The following GRIP1 variants were observed in gnomAD, a reference collection of about 807,000 sequenced individuals.
The protein encoded by GRIP1 is glutamate receptor-interacting protein 1.
Under a neutral mutation model 129.9 loss-of-function variants are expected in GRIP1, and 45 were observed. That is an observed-to-expected ratio of 0.35 (90% CI 0.27 to 0.44). The LOEUF (loss-of-function observed/expected upper bound fraction) is 0.44. GRIP1 is among the 20% of genes least tolerant of loss of function. GRIP1 has a pLI of 1.00. For missense variants in GRIP1, 1,196 were observed against 1,396.8 expected (o/e 0.86, Z 2.29); for synonymous variants, 530 against 520.8 (o/e 1.02, Z -0.24).
In GRIP1 at chr12:67,060,509, T is replaced by G. The variant is rs1031273924; in HGVS notation, c.58+8541A>C. ...CATGTAGTTATATGTTAGTACATAT[T>G]TAAGTAGTATAATAAAAACAAATGA... On this transcript the variant is annotated intron_variant, in intron 1 of 1. Transcript: ENST00000643019. Among the ~76,000 whole-genome samples, 5 of 152,268 alleles carry G rather than the reference T, an allele frequency of 3.3e-5. No homozygotes were observed. In the South Asian group the frequency reaches 1.0e-3, roughly 32 times the overall value.
intron 5 of GRIP1, among the ~76,000 whole-genome samples, chr12:66,526,141 C>T (rs1565827210): frequency 6.6e-6 from 1 of 151,532 alleles, no homozygotes; most frequent in African/African-American, 2.4e-5. Flanking sequence ...CCCCAACAAG[C>T]TACCAATGAC....
chr12:66,629,202 A>G (rs375142685), intron 1 of GRIP1, among the ~76,000 whole-genome samples: 2 of 152,206 alleles, frequency 1.3e-5, no homozygotes, highest in Non-Finnish European at 2.9e-5. Context: ...CCACAAGAAA[A>G]TATTTGTTTT....
At chr12:66,979,143 A>G (rs2042198140) in intron 1 of GRIP1, among the ~76,000 whole-genome samples, 2 of 149,032 alleles carry the variant, frequency 1.3e-5, no homozygotes, top group African/African-American at 2.5e-5. Context: ...CTGTATAGCA[A>G]TAAATCCCAA....
At chr12:66,884,076 T>C (rs1203426602) in intron 1 of GRIP1, among the ~76,000 whole-genome samples, 2 of 152,224 alleles carry the variant, frequency 1.3e-5, no homozygotes, top group African/African-American at 4.8e-5. Context: ...TGGCAACAAA[T>C]TGATCAGGTT....
At position 66,822,811 on chromosome 12, in the gene GRIP1, T is replaced by C. The variant is rs372623403; in HGVS notation, c.59-225884A>G. On this transcript the variant is annotated intron_variant, in intron 1 of 1. Transcript: ENST00000643019. ...GTGGAAGCAGAACATTGGGTACACA[T>C]GGACATAAGGATGGAAACGGGGGAG... is the stretch of plus-strand genomic sequence containing the variant. Among the ~76,000 whole-genome samples, 8 of 152,054 alleles carry C rather than the reference T, an allele frequency of 5.3e-5. No individual in the cohort carries two copies. In the South Asian group the frequency reaches 1.0e-3, roughly 20 times the overall value.
At chr12:66,695,706 T>C (rs1043573966) in intron 1 of GRIP1, among the ~76,000 whole-genome samples, 1 of 152,298 alleles carries the variant, frequency 6.6e-6, no homozygotes, top group Middle Eastern at 3.4e-3. Flanking sequence ...GTGAAGGTGA[T>C]AGAATGGAAT....
chr12:66,534,996 C>A (rs1033114135), intron 4 of GRIP1, among the ~76,000 whole-genome samples: 1 of 151,876 alleles, frequency 6.6e-6, no homozygotes, highest in Non-Finnish European at 1.5e-5. Context: ...ACCTAGCCCC[C>A]TCTCTGTCTT....
At chr12:66,893,100 T>C (rs2040688952) in intron 1 of GRIP1, among the ~76,000 whole-genome samples, 3 of 152,174 alleles carry the variant, frequency 2.0e-5, no homozygotes, top group Non-Finnish European at 4.4e-5. Context: ...CAACCACTGA[T>C]CTGTTCTCCA....
intron 2 of GRIP1, among the ~76,000 whole-genome samples, chr12:66,556,182 A>G (rs1007145132): frequency 2.6e-5 from 4 of 152,180 alleles, no homozygotes; most frequent in Non-Finnish European, 5.9e-5. Context: ...GCAGCAAGAG[A>G]AAATAAACAA....
chr12:66,785,050 C>T (rs2038277997), intron 1 of GRIP1, among the ~76,000 whole-genome samples: 3 of 151,976 alleles, frequency 2.0e-5, no homozygotes, highest in Admixed American at 2.0e-4. Context: ...CAATTTCATA[C>T]TCCACTGACT....
At chr12:66,421,554 A>G (rs549720408) in intron 14 of GRIP1, among the ~76,000 whole-genome samples, 3 of 152,196 alleles carry the variant, frequency 2.0e-5, no homozygotes, top group African/African-American at 2.4e-5. Flanking sequence ...TGATCAATCA[A>G]TCAATAAAGT....
At chr12:66,798,387 T>C (rs2038762075) in intron 1 of GRIP1, among the ~76,000 whole-genome samples, 2 of 152,180 alleles carry the variant, frequency 1.3e-5, no homozygotes, top group African/African-American at 2.4e-5. Flanking sequence ...CTATGTTTAT[T>C]TGGGTCAAGA....
intron 7 of GRIP1, among the ~76,000 whole-genome samples, chr12:66,506,440 A>C (rs1352356542): frequency 6.6e-6 from 1 of 152,204 alleles, no homozygotes; most frequent in Non-Finnish European, 1.5e-5. Flanking sequence ...GCTACCAAAG[A>C]AATACACTGT....
At chr12:66,857,918 A>G (rs2040035670) in intron 1 of GRIP1, among the ~76,000 whole-genome samples, 1 of 152,006 alleles carries the variant, frequency 6.6e-6, no homozygotes, top group Admixed American at 6.6e-5. Flanking sequence ...CTACAGGTAA[A>G]GCCATATTAA....
At chr12:66,470,913 G>A (rs1168401611) in intron 7 of GRIP1, among the ~76,000 whole-genome samples, 1 of 152,172 alleles carries the variant, frequency 6.6e-6, no homozygotes, top group Admixed American at 6.5e-5. Context: ...CTAAAGTGAT[G>A]AGGGCTCCTT....
intron 7 of GRIP1, among the ~76,000 whole-genome samples, chr12:66,468,877 C>T (rs1038110822): frequency 6.6e-6 from 1 of 152,088 alleles, no homozygotes; most frequent in African/African-American, 2.4e-5. Context: ...TGAGAGAGAG[C>T]ATCCACAGCT....
intron 9 of GRIP1, among the ~76,000 whole-genome samples, chr12:66,458,387 CTTTT>C (rs5798827): frequency 6.6e-6 from 1 of 151,500 alleles, no homozygotes; most frequent in South Asian, 2.1e-4. Context: ...GAATAGGTTA[CTTTT>C]TTTTTCTTTT....
chr12:66,657,184 A>G (rs113383702), intron 1 of GRIP1, among the ~76,000 whole-genome samples: 357 of 152,310 alleles, frequency 2.3e-3, no homozygotes, highest in African/African-American at 8.3e-3. Flanking sequence ...ACAGCTCTCT[A>G]AATGACAATT....
chr12:66,988,980 TTTC>T (rs1241055338), intron 1 of GRIP1, among the ~76,000 whole-genome samples: 1 of 151,536 alleles, frequency 6.6e-6, no homozygotes, highest in Non-Finnish European at 1.5e-5. Flanking sequence ...AGAAACATAA[TTTC>T]TTCTTAATTA....
Sources: gnomAD v4.1 joint callset for allele counts (sites outside exome capture counted in the v4.1 genomes callset) on GRCh38, gnomAD v4.1.1 for gene constraint, MANE v1.5 for transcripts, NCBI Gene and HGNC (gene_info 2026-07-23, HGNC 2026-07-21) for gene names.